The following SLC1A6 variants were observed in gnomAD, a reference collection of about 807,000 sequenced individuals.
SLC1A6 encodes excitatory amino acid transporter 4.
A neutral mutation model predicts 42.1 loss-of-function variants in SLC1A6; 15 were observed. The observed-to-expected ratio is 0.36, with a 90% CI of 0.24 to 0.55. The LOEUF (loss-of-function observed/expected upper bound fraction) is 0.55, where lower values mean the gene tolerates loss of function less well. SLC1A6 is among the 20% of genes least tolerant of loss of function. The pLI is 0.88. For synonymous variants in SLC1A6, 317 were observed against 319.7 expected (o/e 0.99, Z 0.09); for missense variants, 542 against 772.5 (o/e 0.70, Z 3.54).
intron 1 of SLC1A6, among the ~76,000 whole-genome samples, chr19:15,002,679 AT>A (rs1262158764): frequency 6.6e-6 from 1 of 152,174 alleles, no homozygotes; most frequent in Non-Finnish European, 1.5e-5. Flanking sequence ...AATCCATCAT[AT>A]TTGAGGGGTG....
chr19:14,992,750 C>T (rs1311822319), intron 1 of SLC1A6, among the ~76,000 whole-genome samples: 1 of 152,132 alleles, frequency 6.6e-6, no homozygotes, highest in Non-Finnish European at 1.5e-5. Flanking sequence ...CCAAAGGCTC[C>T]AACTCTGGCC....
rs2045549908 is a variant in SLC1A6, at chr19:14,964,339, C to A, written c.571G>T (p.Val191Leu). Residue 191 changes from valine (V) to leucine (L), a missense_variant, in exon 5 of 10, where the codon GTG becomes TTG. Transcript: ENST00000594383. ...LIRNMFPPNL[V>L]EACFKQFKTQ... Reference sequence around the variant, plus strand: ...CTGACCTGTTTGAAGCAGGCCTCCACAAGGTTTGGTGGAAACATATTTCTG... The same window carrying A: ...CTGACCTGTTTGAAGCAGGCCTCCAAAAGGTTTGGTGGAAACATATTTCTG... 5 of 1,613,766 alleles carry A rather than the reference C, an allele frequency of 3.1e-6. No individual in the cohort carries two copies. Among genetic ancestry groups the A allele is most frequent in the African/African-American group, 1.3e-5 (1 of 74,890 alleles).
chr19:14,950,620 AT>A (rs869238012), intron 9 of SLC1A6, among the ~76,000 whole-genome samples: 2 of 152,064 alleles, frequency 1.3e-5, no homozygotes, highest in African/African-American at 4.8e-5. Flanking sequence ...TAGATGTGAT[AT>A]TTTTTAAAAA....
chr19:14,992,873 C>G (rs977280723), intron 1 of SLC1A6, among the ~76,000 whole-genome samples: 1 of 152,124 alleles, frequency 6.6e-6, no homozygotes. Flanking sequence ...GAGTCTGAGA[C>G]CGAGGAATTG....
At chr19:14,965,910 A>AAT (rs2045568993) in intron 4 of SLC1A6, among the ~76,000 whole-genome samples, 1 of 152,122 alleles carries the variant, frequency 6.6e-6, no homozygotes, top group East Asian at 1.9e-4. Flanking sequence ...GGGGGCCATT[A>AAT]TTCTAAGTGA....
intron 1 of SLC1A6, among the ~76,000 whole-genome samples, chr19:14,987,480 T>A (rs4808129): frequency 0.48 from 72,022 of 149,348 alleles, 17,972 homozygotes; most frequent in African/African-American, 0.6. Flanking sequence ...AAAAAAAAAA[T>A]TTTTTTTAAT....
At chr19:15,008,574 G>A (rs2079248) in intron 1 of SLC1A6, among the ~76,000 whole-genome samples, 59,664 of 151,824 alleles carry the variant, frequency 0.39, 12,751 homozygotes, top group East Asian at 0.55. Context: ...CCTAAAGGAA[G>A]AGAAATCATT....
intron 3 of SLC1A6, 128 bp from the exon 4 acceptor site, chr19:14,968,635 C>T: frequency 1.3e-6 from 1 of 780,082 alleles, no homozygotes; most frequent in Non-Finnish European, 2.0e-6. Context: ...TTTCCTATAG[C>T]CCACCCCAAA....
At chr19:14,992,179 A>G (rs2045823875) in intron 1 of SLC1A6, among the ~76,000 whole-genome samples, 1 of 152,180 alleles carries the variant, frequency 6.6e-6, no homozygotes, top group Non-Finnish European at 1.5e-5. Context: ...TACTGATTCT[A>G]TCTTGAACAT....
chr19:15,001,926 G>C (rs1033383764), intron 1 of SLC1A6, among the ~76,000 whole-genome samples: 1 of 152,112 alleles, frequency 6.6e-6, no homozygotes, highest in Non-Finnish European at 1.5e-5. Context: ...CTCCCAAAGT[G>C]CTGGGATTAC....
chr19:15,006,532 A>G (rs868776888), intron 1 of SLC1A6, among the ~76,000 whole-genome samples: 1 of 151,774 alleles, frequency 6.6e-6, no homozygotes, highest in Non-Finnish European at 1.5e-5. Flanking sequence ...CTGGTTGCCC[A>G]TCTTATTCCC....
At chr19:15,000,522 G>C (rs1473803795) in intron 1 of SLC1A6, among the ~76,000 whole-genome samples, 2 of 152,158 alleles carry the variant, frequency 1.3e-5, no homozygotes, top group African/African-American at 4.8e-5. Flanking sequence ...GCTTCATCCA[G>C]GTTGTTGCAA....
Position 14,972,783 on chromosome 19 carries a change from G to C in SLC1A6, c.128C>G (p.Thr43Ser), listed in dbSNP as rs768340095. 1 of 1,613,822 alleles carries C rather than the reference G, an allele frequency of 6.2e-7. No individual in the cohort carries two copies. Residue 43 changes from threonine to serine, a missense_variant, in exon 2 of 10, where the codon ACC (threonine) becomes AGC (serine). Transcript: ENST00000594383. ...GCGCAGCACGTGCTCGAGGGTCATG[G>C]TCTGCAGGCGCAGGCGCGTGCGCAG... ...RALRTRLRLQ[T>S]MTLEHVLRFL... is the part of the protein sequence containing the mutation.
chr19:14,975,097 G>C (rs1381091988), intron 1 of SLC1A6: 3 of 152,110 alleles, frequency 2.0e-5, no homozygotes, highest in African/African-American at 7.2e-5. Context: ...TTTTGAAAGA[G>C]ATGAAAACAT....
chr19:14,978,028 C>T (rs1021731767), intron 1 of SLC1A6: 1 of 152,184 alleles, frequency 6.6e-6, no homozygotes, highest in Non-Finnish European at 1.5e-5. Context: ...TCTTAGACTC[C>T]ACTTGGGCCT....
At chr19:14,983,922 T>C (rs944303137), upstream of SLC1A6, among the ~76,000 whole-genome samples, 7 of 152,050 alleles carry the variant, frequency 4.6e-5, no homozygotes, top group African/African-American at 7.2e-5. Flanking sequence ...ATATATCAGT[T>C]GACAAAAATG....
chr19:15,010,557 T>C (rs185358799), exon 1 of SLC1A6: 4 of 650,718 alleles, frequency 6.1e-6, no homozygotes, highest in African/African-American at 5.4e-5. Context: ...AAGGGCCATG[T>C]TGCTGGAAGC....
At chr19:14,993,457 T>TA (rs1555710137) in intron 1 of SLC1A6, among the ~76,000 whole-genome samples, 1 of 152,118 alleles carries the variant, frequency 6.6e-6, no homozygotes, top group Non-Finnish European at 1.5e-5. Context: ...TTTTATAATT[T>TA]AAAAAAATCA....
intron 1 of SLC1A6, among the ~76,000 whole-genome samples, chr19:15,000,393 G>A (rs944478902): frequency 6.6e-6 from 1 of 152,046 alleles, no homozygotes; most frequent in Non-Finnish European, 1.5e-5. Flanking sequence ...CCTAGCCTCT[G>A]GCAACCACCA....
Sources: allele counts gnomAD v4.1 joint callset (sites outside exome capture counted in the v4.1 genomes callset), GRCh38; gene constraint gnomAD v4.1.1; transcripts MANE v1.5; gene names NCBI Gene and HGNC (gene_info 2026-07-23, HGNC 2026-07-21).